Variants in CTNND2 observed in about 807,000 individuals in gnomAD.
The protein encoded by CTNND2 is catenin delta-2.
In CTNND2, 22 loss-of-function variants were observed where a neutral mutation model predicts 144.4. The observed-to-expected ratio is 0.15, with a 90% CI of 0.11 to 0.22. CTNND2 has a LOEUF of 0.22. Ranked by LOEUF, CTNND2 falls within the 10% of genes least tolerant of loss-of-function variation. The probability of loss-of-function intolerance (pLI) is 1.00; values close to 1 mark genes in which losing one functional copy is unlikely to be tolerated. For missense variants in CTNND2, 1,353 were observed against 1,618.8 expected (o/e 0.84, Z 2.82); for synonymous variants, 751 against 695.6 (o/e 1.08, Z -1.25).
chr5:11,304,318 C>CCACACACACA lies in CTNND2; in HGVS notation c.1628+42044_1628+42053dup, dbSNP rs111918321. Among the ~76,000 whole-genome samples the CCACACACACA allele has an allele frequency of 1.5e-3, 219 of 148,396 alleles. 1 individual carries two copies. Among genetic ancestry groups the CCACACACACA allele is most frequent in the African/African-American group, 5.0e-3 (204 of 40,612 alleles). ...CATAAATGCATTACACACGGACACA[C>CCACACACACA]CACACACACACACACACACACTCTT... is the stretch of plus-strand genomic sequence containing the variant. On this transcript the variant is annotated intron_variant, in intron 9 of 21. Transcript: ENST00000304623.
At chr5:11,690,155 T>C (rs952560135) in intron 2 of CTNND2, among the ~76,000 whole-genome samples, 5 of 152,204 alleles carry the variant, frequency 3.3e-5, no homozygotes, top group Admixed American at 2.6e-4. Flanking sequence ...TGCACTGTGA[T>C]GGGGAAATAA....
intron 9 of CTNND2, among the ~76,000 whole-genome samples, chr5:11,330,295 C>A (rs935815382): frequency 7.1e-6 from 1 of 141,568 alleles, no homozygotes; most frequent in South Asian, 2.3e-4. Flanking sequence ...CATGGTGAAA[C>A]CCCGTCTCTA....
At chr5:11,459,245 A>T (rs769694213) in intron 3 of CTNND2, among the ~76,000 whole-genome samples, 6 of 152,204 alleles carry the variant, frequency 3.9e-5, no homozygotes, top group Non-Finnish European at 7.3e-5. Flanking sequence ...TAGTACAACA[A>T]TGCTGTCGAT....
chr5:11,532,088 C>T (rs1773793434), intron 3 of CTNND2, among the ~76,000 whole-genome samples: 1 of 152,120 alleles, frequency 6.6e-6, no homozygotes, highest in African/African-American at 2.4e-5. Flanking sequence ...ACATCTATAA[C>T]TGCCTGGCTG....
chr5:11,882,585 T>C (rs1053178470), intron 1 of CTNND2, among the ~76,000 whole-genome samples: 2 of 152,172 alleles, frequency 1.3e-5, no homozygotes, highest in African/African-American at 4.8e-5. Context: ...GTGTGTATTC[T>C]TGGAACCTTT....
At chr5:11,510,949 T>G (rs991911132) in intron 3 of CTNND2, among the ~76,000 whole-genome samples, 11 of 151,618 alleles carry the variant, frequency 7.3e-5, no homozygotes, top group Non-Finnish European at 2.9e-5. Flanking sequence ...AAAAAATGCA[T>G]TTGAATAGAA....
intron 1 of CTNND2, among the ~76,000 whole-genome samples, chr5:11,777,762 TC>T (rs1295523057): frequency 6.6e-6 from 1 of 152,148 alleles, no homozygotes; most frequent in African/African-American, 2.4e-5. Flanking sequence ...CTGTCAAATT[TC>T]CCCTGGAGAA....
At chr5:11,308,332 G>A (rs1750468135) in intron 9 of CTNND2, among the ~76,000 whole-genome samples, 1 of 151,954 alleles carries the variant, frequency 6.6e-6, no homozygotes, top group South Asian at 2.1e-4. Flanking sequence ...GTAAATAACT[G>A]GATAGTAAAT....
chr5:11,707,084 T>G (rs1213233432), intron 2 of CTNND2, among the ~76,000 whole-genome samples: 1 of 133,276 alleles, frequency 7.5e-6, no homozygotes, highest in South Asian at 2.3e-4. Flanking sequence ...ATACTCCATC[T>G]CAAAAAAAAA....
At chr5:11,523,899 C>A (rs1772983251) in intron 3 of CTNND2, among the ~76,000 whole-genome samples, 1 of 152,172 alleles carries the variant, frequency 6.6e-6, no homozygotes, top group Non-Finnish European at 1.5e-5. Flanking sequence ...TCATTCTCTC[C>A]ATCTATGGCC....
intron 16 of CTNND2, among the ~76,000 whole-genome samples, chr5:11,033,959 A>G (rs760422039): frequency 5.9e-5 from 9 of 152,226 alleles, no homozygotes; most frequent in Non-Finnish European, 1.3e-4. Flanking sequence ...CAAAGAAATA[A>G]AAGTTGATAC....
intron 16 of CTNND2, among the ~76,000 whole-genome samples, chr5:11,060,534 T>C (rs1746847853): frequency 6.6e-6 from 1 of 152,218 alleles, no homozygotes; most frequent in Non-Finnish European, 1.5e-5. Context: ...GACTCGTGGA[T>C]GGAAATTCAG....
intron 16 of CTNND2, among the ~76,000 whole-genome samples, chr5:11,048,965 A>C (rs929196977): frequency 6.6e-6 from 1 of 152,182 alleles, no homozygotes; most frequent in Non-Finnish European, 1.5e-5. Context: ...GCCTCCACCC[A>C]CTAGGTGCCA....
intron 2 of CTNND2, among the ~76,000 whole-genome samples, chr5:11,687,057 C>G (rs1369664105): frequency 6.6e-6 from 1 of 152,010 alleles, no homozygotes; most frequent in Non-Finnish European, 1.5e-5. Flanking sequence ...TAAACTCACC[C>G]TCTCTCCCCA....
intron 16 of CTNND2, among the ~76,000 whole-genome samples, chr5:11,073,093 A>G (rs1325030200): frequency 6.6e-6 from 1 of 152,250 alleles, no homozygotes; most frequent in Non-Finnish European, 1.5e-5. Flanking sequence ...AAAAGAATTC[A>G]TCTTTAAACG....
At chr5:11,619,837 G>C (rs547488590) in intron 2 of CTNND2, among the ~76,000 whole-genome samples, 1 of 152,218 alleles carries the variant, frequency 6.6e-6, no homozygotes, top group African/African-American at 2.4e-5. Context: ...CCATCTGTTG[G>C]TATGAAATGA....
intron 7 of CTNND2, among the ~76,000 whole-genome samples, chr5:11,381,509 A>G (rs774319995): frequency 6.6e-6 from 1 of 152,204 alleles, no homozygotes; most frequent in Non-Finnish European, 1.5e-5. Flanking sequence ...CATATCAGAC[A>G]CACCCCCATT....
At chr5:11,875,227 C>T (rs901041295) in intron 1 of CTNND2, among the ~76,000 whole-genome samples, 4 of 152,164 alleles carry the variant, frequency 2.6e-5, no homozygotes, top group Admixed American at 6.5e-5. Context: ...AGCTGTTAGA[C>T]GATTATACGT....
At chr5:11,252,749 C>G (rs1205761481) in intron 9 of CTNND2, among the ~76,000 whole-genome samples, 1 of 152,180 alleles carries the variant, frequency 6.6e-6, no homozygotes, top group African/African-American at 2.4e-5. Context: ...CCAGGTGGCT[C>G]ACTCTCTCAT....
Sources: gnomAD v4.1 joint callset for allele counts (sites outside exome capture counted in the v4.1 genomes callset) on GRCh38, gnomAD v4.1.1 for gene constraint, MANE v1.5 for transcripts, NCBI Gene and HGNC (gene_info 2026-07-23, HGNC 2026-07-21) for gene names.